Variants in INPP4B observed in about 807,000 individuals in gnomAD.
INPP4B encodes inositol polyphosphate 4-phosphatase type II.
Under a neutral mutation model 122.5 loss-of-function variants are expected in INPP4B, and 55 were observed. The observed-to-expected ratio is 0.45, with a 90% CI of 0.36 to 0.56. INPP4B has a LOEUF of 0.56. Among genes scored for constraint, INPP4B ranks in the 20% least tolerant of loss-of-function variants. The probability of loss-of-function intolerance (pLI) is 0.00; values close to 1 mark genes in which losing one functional copy is unlikely to be tolerated. For synonymous variants in INPP4B, 403 were observed against 388.7 expected (o/e 1.04, Z -0.43); for missense variants, 1,000 against 1,097.7 (o/e 0.91, Z 1.26).
At chr4:142,697,873 A>C (rs1761223618) in intron 2 of INPP4B, among the ~76,000 whole-genome samples, 1 of 152,226 alleles carries the variant, frequency 6.6e-6, no homozygotes, top group African/African-American at 2.4e-5. Context: ...CTGTATTCAT[A>C]TGTAAATAAC....
chr4:142,681,901 A>G (rs1414576240), intron 2 of INPP4B, among the ~76,000 whole-genome samples: 2 of 151,862 alleles, frequency 1.3e-5, no homozygotes, highest in Non-Finnish European at 2.9e-5. Context: ...ATGCTTTACC[A>G]TATTTCATTA....
At chr4:142,648,844 G>A (rs931696491) in intron 2 of INPP4B, among the ~76,000 whole-genome samples, 1 of 152,210 alleles carries the variant, frequency 6.6e-6, no homozygotes, top group South Asian at 2.1e-4. Flanking sequence ...GACAGCTGTA[G>A]TTCTCCCAGC....
chr4:142,543,604 A>G (rs550554478), intron 2 of INPP4B, among the ~76,000 whole-genome samples: 4 of 152,258 alleles, frequency 2.6e-5, no homozygotes, highest in African/African-American at 9.6e-5. Flanking sequence ...ATTTAAAAAA[A>G]TCCTTCTAAT....
intron 14 of INPP4B, among the ~76,000 whole-genome samples, chr4:142,202,477 A>T (rs1377163305): frequency 6.6e-6 from 1 of 152,086 alleles, no homozygotes; most frequent in Non-Finnish European, 1.5e-5. Flanking sequence ...CATCGTTATT[A>T]AATACATCTA....
chr4:142,338,474 G>A (rs768498226), intron 7 of INPP4B, among the ~76,000 whole-genome samples: 4 of 152,068 alleles, frequency 2.6e-5, no homozygotes, highest in Non-Finnish European at 5.9e-5. Context: ...TCCTGACCTC[G>A]TGATCTGCCC....
At chr4:142,775,600 C>T (rs1385850305) in intron 1 of INPP4B, among the ~76,000 whole-genome samples, 1 of 137,758 alleles carries the variant, frequency 7.3e-6, no homozygotes, top group Non-Finnish European at 1.5e-5. Flanking sequence ...GTTTTGAACT[C>T]CTGGGCTCAA....
intron 1 of INPP4B, among the ~76,000 whole-genome samples, chr4:142,747,068 C>T (rs1209431048): frequency 1.3e-5 from 2 of 152,130 alleles, no homozygotes; most frequent in African/African-American, 4.8e-5. Context: ...AAGAAACTCT[C>T]ATCAGAGTGA....
At chr4:142,034,723 C>T (rs1742746403) in intron 25 of INPP4B, among the ~76,000 whole-genome samples, 1 of 152,042 alleles carries the variant, frequency 6.6e-6, no homozygotes, top group Non-Finnish European at 1.5e-5. Context: ...TTTATGATGT[C>T]CTCTGCTCAG....
chr4:142,692,132 C>A (rs1760278612), intron 2 of INPP4B, among the ~76,000 whole-genome samples: 1 of 151,896 alleles, frequency 6.6e-6, no homozygotes, highest in South Asian at 2.1e-4. Flanking sequence ...GCCAAGGGGA[C>A]CCTTCCACTT....
chr4:142,060,346 A>G (rs946111721), intron 25 of INPP4B, among the ~76,000 whole-genome samples: 7 of 152,284 alleles, frequency 4.6e-5, no homozygotes, highest in African/African-American at 9.6e-5. Context: ...ATAAAAATGT[A>G]TTCATTTATA....
At chr4:142,810,036 G>C (rs1423572066) in intron 1 of INPP4B, among the ~76,000 whole-genome samples, 1 of 151,962 alleles carries the variant, frequency 6.6e-6, no homozygotes, top group African/African-American at 2.4e-5. Flanking sequence ...TGGTCATGGT[G>C]GTGGGTGCCT....
intron 1 of INPP4B, among the ~76,000 whole-genome samples, chr4:142,844,296 T>C (rs2151221417): frequency 6.6e-6 from 1 of 152,332 alleles, no homozygotes; most frequent in Admixed American, 6.5e-5. Context: ...AAATAAATAT[T>C]GATTTGCTTA....
At chr4:142,157,691 A>G (rs2152894690) in intron 17 of INPP4B, among the ~76,000 whole-genome samples, 1 of 152,286 alleles carries the variant, frequency 6.6e-6, no homozygotes, top group East Asian at 1.9e-4. Context: ...TGTTAAGACT[A>G]GAAAATATTC....
chr4:142,799,358 A>C (rs1777713211), intron 1 of INPP4B, among the ~76,000 whole-genome samples: 1 of 151,942 alleles, frequency 6.6e-6, no homozygotes, highest in African/African-American at 2.4e-5. Flanking sequence ...AAAATTAGAC[A>C]ATTCCAAAAA....
chr4:142,100,114 C>T (rs781610087), intron 23 of INPP4B, among the ~76,000 whole-genome samples: 9 of 152,112 alleles, frequency 5.9e-5, no homozygotes, highest in Non-Finnish European at 1.5e-5. Flanking sequence ...GCTGATCAAT[C>T]GCTGATATGC....
intron 7 of INPP4B, among the ~76,000 whole-genome samples, chr4:142,362,490 A>G (rs1785797118): frequency 6.6e-6 from 1 of 152,052 alleles, no homozygotes; most frequent in South Asian, 2.1e-4. Context: ...ACTATTAAAA[A>G]TTATTTATGT....
At chr4:142,195,874 G>A (rs1837980671) in intron 14 of INPP4B, among the ~76,000 whole-genome samples, 1 of 152,144 alleles carries the variant, frequency 6.6e-6, no homozygotes, top group African/African-American at 2.4e-5. Flanking sequence ...TATGCAAGTG[G>A]CAGGCCCTGA....
At chr4:142,055,391 C>A (rs926615882) in intron 25 of INPP4B, among the ~76,000 whole-genome samples, 1 of 152,016 alleles carries the variant, frequency 6.6e-6, no homozygotes, top group Non-Finnish European at 1.5e-5. Context: ...GCAGAATAAG[C>A]TATGGTAAAT....
At chr4:142,499,929 A>T (rs1195018150) in intron 2 of INPP4B, among the ~76,000 whole-genome samples, 1 of 152,138 alleles carries the variant, frequency 6.6e-6, no homozygotes, top group Admixed American at 6.5e-5. Context: ...CCGTAATACA[A>T]CCGTCGCTGA....
Sources: gnomAD v4.1 joint callset for allele counts (sites outside exome capture counted in the v4.1 genomes callset) on GRCh38, gnomAD v4.1.1 for gene constraint, MANE v1.5 for transcripts, NCBI Gene and HGNC (gene_info 2026-07-23, HGNC 2026-07-21) for gene names.